Variants in KMT2C observed in about 807,000 individuals in gnomAD.
KMT2C encodes histone-lysine N-methyltransferase 2C.
KMT2C carries 88 observed loss-of-function variants against 507.9 expected under a neutral mutation model. That is an observed-to-expected ratio of 0.17 (90% CI 0.15 to 0.21). The LOEUF is 0.21. KMT2C is among the 10% of genes least tolerant of loss of function. The probability of loss-of-function intolerance (pLI) is 1.00; values close to 1 mark genes in which losing one functional copy is unlikely to be tolerated. For missense variants in KMT2C, 4,954 were observed against 5,957.8 expected (o/e 0.83, Z 5.55); for synonymous variants, 2,049 against 2,080.8 (o/e 0.98, Z 0.42).
intron 1 of KMT2C, among the ~76,000 whole-genome samples, chr7:152,430,433 A>T (rs2097854742): frequency 6.6e-6 from 1 of 152,212 alleles, no homozygotes; most frequent in Admixed American, 6.5e-5. Context: ...ATGGCAGCTA[A>T]AAGTTGTTTG....
rs149458715 is a variant in KMT2C, at chr7:152,163,548, G to A, written c.10029C>T (p.His3343=). The change falls in exon 43 of 59, where the codon CAC becomes CAT. Residue 3343 remains histidine (H), a synonymous_variant. Transcript: ENST00000262189. ...GAATTCTAGGAGGATTGAGGGGCAG[G>A]TGGGCAGGAGCACTGTTGGGTTGCC... is the stretch of plus-strand genomic sequence containing the variant. ...PGWQPNSAPA[H]LPLNPPRIQP... is the part of the protein sequence containing the mutation. 1.9e-6 allele frequency: 3 copies of A among 1,610,216 alleles called. No homozygotes were observed. Among genetic ancestry groups the A allele is most frequent in the Admixed American group, 1.7e-5 (1 of 59,826 alleles).
chr7:152,399,466 T>TA (rs1182026892), intron 1 of KMT2C, among the ~76,000 whole-genome samples: 1 of 152,098 alleles, frequency 6.6e-6, no homozygotes. Context: ...CTAGTGAACC[T>TA]AGCATGGGAG....
At chr7:152,395,045 A>T (rs1385513777) in intron 1 of KMT2C, among the ~76,000 whole-genome samples, 1 of 152,214 alleles carries the variant, frequency 6.6e-6, no homozygotes, top group Non-Finnish European at 1.5e-5. Flanking sequence ...TGACAAATAT[A>T]ATCAATTTAA....
In KMT2C at chr7:152,180,809, C is replaced by A. The variant is rs1307033942; in HGVS notation, c.7051G>T (p.Gly2351Cys). The change falls in exon 36 of 59, where the codon GGT becomes TGT. Residue 2351 changes from glycine (G) to cysteine (C), a missense_variant. Physicochemically the swap from Gly to Cys is radical, Grantham distance 159. Around this residue, in one of 29 missense-constraint regions of KMT2C, gnomAD observed 1,689 missense variants for 1,654.3 expected, o/e 1.02. Coordinates refer to ENST00000262189, the MANE Select transcript of KMT2C (RefSeq NM_170606.3). Reference protein sequence around the residue: ...PMHSQGQQFSGVSQLPGPVPT... With the variant: ...PMHSQGQQFSCVSQLPGPVPT... Reference sequence around the variant, plus strand: ...ACAGGTCCAGGAAGTTGGGAGACACCAGAGAACTGCTGGCCTTGGGAGTGC... The same window carrying A: ...ACAGGTCCAGGAAGTTGGGAGACACAAGAGAACTGCTGGCCTTGGGAGTGC... The A allele has an allele frequency of 6.2e-7, 1 of 1,613,986 alleles. No homozygotes were observed. Among genetic ancestry groups the A allele is most frequent in the Non-Finnish European group, 8.5e-7 (1 of 1,180,024 alleles).
Position 152,348,206 on chromosome 7 carries a change from C to T in KMT2C, c.250+10381G>A, listed in dbSNP as rs184825185. Among the ~76,000 whole-genome samples, 8 of 152,224 alleles carry T rather than the reference C, an allele frequency of 5.3e-5. No individual in the cohort carries two copies. In the East Asian group the frequency reaches 5.8e-4, roughly 11 times the overall value. On this transcript the variant is annotated intron_variant, in intron 2 of 58. Coordinates refer to ENST00000262189, the MANE Select transcript of KMT2C (RefSeq NM_170606.3). ...AATTGAATCAAAAATTAATAAACTT[C>T]GAATATTGAACACACCCAGTTTGGT...
At chr7:152,273,595 T>C (rs2096017712) in intron 7 of KMT2C, 110 bp downstream of exon 7, 3 of 1,268,322 alleles carry the variant, frequency 2.4e-6, no homozygotes, top group Non-Finnish European at 2.1e-6. Context: ...AAAGATTATG[T>C]ATTATTACCT....
intron 6 of KMT2C, among the ~76,000 whole-genome samples, chr7:152,307,278 A>AAGGAAGG (rs2096628579): frequency 1.4e-4 from 15 of 107,454 alleles, no homozygotes; most frequent in African/African-American, 4.3e-4. Context: ...AGGAAGAAAG[A>AAGGAAGG]AAGGAAGGAA....
At position 152,139,735 on chromosome 7, in the gene KMT2C, G is replaced by A. The variant is rs1451670033; in HGVS notation, c.14400C>T (p.Tyr4800=). The A allele has an allele frequency of 3.7e-6, 6 of 1,613,960 alleles. No homozygotes were observed. The highest frequency in any genetic ancestry group is 1.3e-5 in the African/African-American group (1 of 74,906). ...DIEKHTMVIE[Y]IGTIIRNEVA... ...CTTCGTTTCGAATGATAGTCCCGATGTACTCAATGACCATGGTGTGTTTCT... is the reference window on the plus strand; with the variant it reads ...CTTCGTTTCGAATGATAGTCCCGATATACTCAATGACCATGGTGTGTTTCT... Residue 4800 remains tyrosine, a synonymous_variant, in exon 56 of 59, where the codon TAC becomes TAT. Transcript: ENST00000262189.
At position 152,158,999 on chromosome 7, in the gene KMT2C, T is replaced by C. The variant is rs771124748; in HGVS notation, c.11534A>G (p.Glu3845Gly). ...CCGTTTGCTTCGCTGTTTCTTGGTTTCACTTCCTCCATCTGTTTTTGGCAA... is the reference window on the plus strand; with the variant it reads ...CCGTTTGCTTCGCTGTTTCTTGGTTCCACTTCCTCCATCTGTTTTTGGCAA... ...NQLPKTDGGSETKKQRSKRTQ... is the reference protein window; with the variant it reads ...NQLPKTDGGSGTKKQRSKRTQ... Residue 3845 changes from glutamate to glycine, a missense_variant, in exon 44 of 59, where the codon GAA (glutamate) becomes GGA (glycine). Physicochemically the swap from Glu to Gly is moderately conservative, Grantham distance 98. Coordinates refer to ENST00000262189, the MANE Select transcript of KMT2C (RefSeq NM_170606.3). 2.4e-5 allele frequency: 38 copies of C among 1,614,250 alleles called. 1 individual carries two copies. Among genetic ancestry groups the C allele is most frequent in the Non-Finnish European group, 3.2e-5 (38 of 1,180,050 alleles).
chr7:152,253,878 T>A (rs1442923337), intron 9 of KMT2C, among the ~76,000 whole-genome samples: 4 of 152,196 alleles, frequency 2.6e-5, no homozygotes, highest in Non-Finnish European at 5.9e-5. Context: ...CAAAACTACT[T>A]CTGTGCCTGT....
At chr7:152,344,307 T>C (rs2097030394) in intron 2 of KMT2C, among the ~76,000 whole-genome samples, 1 of 152,204 alleles carries the variant, frequency 6.6e-6, no homozygotes, top group Admixed American at 6.5e-5. Flanking sequence ...TTTTCAATCA[T>C]ACTAAGATGG....
chr7:152,432,470 C>T (rs2097871800), intron 1 of KMT2C, among the ~76,000 whole-genome samples: 1 of 152,166 alleles, frequency 6.6e-6, no homozygotes, highest in African/African-American at 2.4e-5. Context: ...TGAACTACTC[C>T]AAATTATCAA....
At chr7:152,388,356 C>T (rs2097452820) in intron 1 of KMT2C, among the ~76,000 whole-genome samples, 1 of 151,972 alleles carries the variant, frequency 6.6e-6, no homozygotes, top group African/African-American at 2.4e-5. Context: ...GTCAGGAGTT[C>T]AAGACCAGAC....
In KMT2C at chr7:152,435,727, C is replaced by T. The variant is rs191834730; in HGVS notation, c.60G>A (p.Glu20=). 10,415 of 1,529,864 alleles carry T rather than the reference C, an allele frequency of 6.8e-3. 139 individuals are homozygous for T. The highest frequency in any genetic ancestry group is 0.046 in the Middle Eastern group (262 of 5,754). The allele number at this position is 1,529,864 out of a possible 1,614,324, so 94.8% of individuals were successfully genotyped here. A position where few individuals can be genotyped will look rare whatever the true frequency, so the allele number is the denominator to read the frequency against. ...EQPQPPPPPP[E]EPGAPAPSPA... ...GGCTCGGGGCCGGGGCTCCAGGCTC[C>T]TCGGGGGGTGGTGGCGGCGGCTGCG... The change falls in exon 1 of 59, where the codon GAG becomes GAA. Residue 20 remains glutamate, a synonymous_variant. Coordinates refer to ENST00000262189, the MANE Select transcript of KMT2C (RefSeq NM_170606.3).
Position 152,138,092 on chromosome 7 carries a change from C to T in KMT2C, c.14643+704G>A, listed in dbSNP as rs2090092294. The T allele has an allele frequency of 6.6e-6, 1 of 152,208 alleles. No individual in the cohort carries two copies. The highest frequency in any genetic ancestry group is 1.5e-5 in the Non-Finnish European group (1 of 68,056). The allele number at this position is 152,208 out of a possible 1,614,324, so 9.4% of individuals were successfully genotyped here. A position where few individuals can be genotyped will look rare whatever the true frequency, so the allele number is the denominator to read the frequency against. ...AGAAACCAAGCCTGCTGCTCAGTGA[C>T]AGCTTTCCAGGAAATGCCAATTCCA... On this transcript the variant is annotated intron_variant, in intron 58 of 58. Coordinates refer to ENST00000262189, the MANE Select transcript of KMT2C (RefSeq NM_170606.3). This position sits in a 1 kb window ranked among gnomAD's most constrained non-coding sequence, Gnocchi z 4.2.
At chr7:152,166,160 G>A (rs1225038454) in intron 42 of KMT2C, among the ~76,000 whole-genome samples, 1 of 117,012 alleles carries the variant, frequency 8.5e-6, no homozygotes, top group Non-Finnish European at 1.7e-5. Flanking sequence ...GTCTCACTTT[G>A]TCGCCAGGCT....
intron 2 of KMT2C, among the ~76,000 whole-genome samples, chr7:152,338,883 T>A (rs570007202): frequency 1.1e-4 from 17 of 152,212 alleles, no homozygotes; most frequent in Non-Finnish European, 2.4e-4. Flanking sequence ...ATAAACACTA[T>A]GAGATAACTA....
intron 1 of KMT2C, among the ~76,000 whole-genome samples, chr7:152,409,007 A>G (rs1179284150): frequency 6.6e-6 from 1 of 150,646 alleles, no homozygotes; most frequent in African/African-American, 2.4e-5. Flanking sequence ...TTTTTTTTTG[A>G]GACAGAGTTT....
intron 1 of KMT2C, among the ~76,000 whole-genome samples, chr7:152,376,116 T>C (rs1483142085): frequency 6.6e-6 from 1 of 152,198 alleles, no homozygotes; most frequent in African/African-American, 2.4e-5. Flanking sequence ...GATGTTACTA[T>C]TGTAATTGTT....
Sources: gnomAD v4.1 joint callset for allele counts (sites outside exome capture counted in the v4.1 genomes callset) on GRCh38, gnomAD v4.1.1 for gene constraint, gnomAD v4.1.1 regional missense constraint, Gnocchi (gnomAD v3.1) non-coding constraint, MANE v1.5 for transcripts, NCBI Gene and HGNC (gene_info 2026-07-23, HGNC 2026-07-21) for gene names.